Variants in SMAP1 observed in about 807,000 individuals in gnomAD.
SMAP1 encodes the protein stromal membrane-associated protein 1.
SMAP1 carries 24 observed loss-of-function variants against 58.5 expected under a neutral mutation model. That is an observed-to-expected ratio of 0.41 (90% CI 0.30 to 0.58). SMAP1 has a LOEUF of 0.58. SMAP1 is among the 20% of genes least tolerant of loss of function. The probability of loss-of-function intolerance (pLI) is 0.29; values close to 1 mark genes in which losing one functional copy is unlikely to be tolerated. For missense variants in SMAP1, 563 were observed against 566.3 expected, an observed-to-expected ratio of 0.99 and a Z score of 0.06; for synonymous variants, 216 against 196.6, an observed-to-expected ratio of 1.10 and a Z score of -0.82.
At chr6:70,755,801 A>G (rs1766463694) in intron 3 of SMAP1, among the ~76,000 whole-genome samples, 1 of 152,040 alleles carries the variant, frequency 6.6e-6, no homozygotes, top group South Asian at 2.1e-4. Context: ...GTTAGAAATC[A>G]TTTCCATATA....
chr6:70,767,227 C>T (rs1051276550), intron 3 of SMAP1, among the ~76,000 whole-genome samples: 23 of 151,592 alleles, frequency 1.5e-4, no homozygotes, highest in Middle Eastern at 3.4e-3. Flanking sequence ...CTTGGCGATG[C>T]GGGCTCTTTT....
chr6:70,696,010 G>T (rs1726738874), intron 1 of SMAP1, among the ~76,000 whole-genome samples: 1 of 152,206 alleles, frequency 6.6e-6, no homozygotes, highest in African/African-American at 2.4e-5. Context: ...TTGGTAGATT[G>T]TATGTGTCTA....
intron 3 of SMAP1, among the ~76,000 whole-genome samples, chr6:70,762,273 A>G (rs893325585): frequency 7.2e-5 from 11 of 152,172 alleles, no homozygotes; most frequent in Non-Finnish European, 1.5e-4. Context: ...AGGTTTTATT[A>G]GAACCCAGCC....
intron 5 of SMAP1, among the ~76,000 whole-genome samples, chr6:70,795,362 G>A (rs995678282): frequency 2.6e-5 from 4 of 152,172 alleles, no homozygotes; most frequent in African/African-American, 9.7e-5. Flanking sequence ...CATAGATTGA[G>A]TAGCTTATAA....
Position 70,856,903 on chromosome 6 carries a change from A to G in SMAP1, c.834A>G (p.Thr278=). The G allele has an allele frequency of 6.2e-7, 1 of 1,613,956 alleles. No homozygotes were observed. Reference sequence around the variant, plus strand: ...CAGCTGCAACCCTGTCTACAGTAACATCTGGGGATCTAGATTTATTCACTG... The same window carrying G: ...CAGCTGCAACCCTGTCTACAGTAACGTCTGGGGATCTAGATTTATTCACTG... ...APAAATLSTV[T]SGDLDLFTEQ... is the part of the protein sequence containing the mutation. The change falls in exon 9 of 11, where the codon ACA becomes ACG. Residue 278 remains threonine, a synonymous_variant. Transcript: ENST00000370455.
At chr6:70,809,653 C>T (rs1034962548) in intron 6 of SMAP1, among the ~76,000 whole-genome samples, 3 of 152,082 alleles carry the variant, frequency 2.0e-5, no homozygotes, top group African/African-American at 4.8e-5. Flanking sequence ...TCATATGATG[C>T]GTGAATGCAT....
At chr6:70,682,954 C>T (rs1415535931) in intron 1 of SMAP1, among the ~76,000 whole-genome samples, 2 of 152,008 alleles carry the variant, frequency 1.3e-5, no homozygotes, top group Admixed American at 6.5e-5. Flanking sequence ...AGGAGAATCA[C>T]TTGAACCTGG....
intron 2 of SMAP1, among the ~76,000 whole-genome samples, chr6:70,754,750 A>G (rs1048652134): frequency 3.9e-5 from 6 of 152,110 alleles, no homozygotes; most frequent in Admixed American, 3.9e-4. Context: ...CATTTAGATT[A>G]TGGACTATGG....
chr6:70,772,159 G>C (rs1181035333), intron 3 of SMAP1, among the ~76,000 whole-genome samples: 1 of 152,158 alleles, frequency 6.6e-6, no homozygotes, highest in Non-Finnish European at 1.5e-5. Flanking sequence ...GGAAAATTTG[G>C]AAAGTCTACA....
Position 70,861,765 on chromosome 6 carries a change from A to T in SMAP1, c.*1431A>T. The T allele has an allele frequency of 6.2e-7, 1 of 1,614,076 alleles. No homozygotes were observed. Among genetic ancestry groups the T allele is most frequent in the Non-Finnish European group, 8.5e-7 (1 of 1,179,964 alleles). On this transcript the variant is annotated 3_prime_UTR_variant, in exon 11 of 11. Transcript: ENST00000370455. ...ACACGAGAACCTGAAGGGGAAGGAA[A>T]TAGCTTGGGTAGCGCACTCTTCATG...
intron 2 of SMAP1, among the ~76,000 whole-genome samples, chr6:70,748,373 TC>T (rs1049340796): frequency 2.0e-5 from 3 of 151,978 alleles, no homozygotes; most frequent in African/African-American, 4.8e-5. Flanking sequence ...GCAAGTAGTT[TC>T]CCCCCTCCCA....
intron 6 of SMAP1, among the ~76,000 whole-genome samples, chr6:70,814,072 A>C (rs1769506623): frequency 6.6e-6 from 1 of 152,114 alleles, no homozygotes; most frequent in Non-Finnish European, 1.5e-5. Flanking sequence ...AAATGATTGC[A>C]CCTATTTATA....
At chr6:70,704,247 A>G (rs758037609) in intron 1 of SMAP1, among the ~76,000 whole-genome samples, 3 of 152,208 alleles carry the variant, frequency 2.0e-5, no homozygotes, top group African/African-American at 4.8e-5. Context: ...ACAGGAGAAA[A>G]TGAAAACTAT....
At chr6:70,837,980 A>G (rs1770663091) in intron 7 of SMAP1, 1 of 989,036 alleles carries the variant, frequency 1.0e-6, no homozygotes, top group East Asian at 1.1e-4. Context: ...TGGAGGTACA[A>G]TTCTTCTATG....
chr6:70,818,591 T>C (rs1462567354), intron 6 of SMAP1, among the ~76,000 whole-genome samples: 1 of 152,192 alleles, frequency 6.6e-6, no homozygotes, highest in African/African-American at 2.4e-5. Flanking sequence ...CAAACCTGCT[T>C]CCCGTAGTCA....
intron 10 of SMAP1, 64 bp downstream of exon 10, chr6:70,858,293 T>A: frequency 1.7e-5 from 20 of 1,152,506 alleles, no homozygotes; most frequent in African/African-American, 6.9e-5. Flanking sequence ...AAATCTTTTT[T>A]TTTTTTTTTT....
At chr6:70,827,923 G>A (rs1182392787) in intron 6 of SMAP1, among the ~76,000 whole-genome samples, 1 of 152,134 alleles carries the variant, frequency 6.6e-6, no homozygotes, top group Non-Finnish European at 1.5e-5. Flanking sequence ...TACTCTATGT[G>A]TTGACAGCTT....
chr6:70,753,691 T>G (rs1766371255), intron 2 of SMAP1, among the ~76,000 whole-genome samples: 1 of 152,148 alleles, frequency 6.6e-6, no homozygotes, highest in Non-Finnish European at 1.5e-5. Flanking sequence ...TGTTTACCTT[T>G]TATAATTTTT....
At chr6:70,702,389 T>TGGG (rs201418705) in intron 1 of SMAP1, among the ~76,000 whole-genome samples, 2 of 121,824 alleles carry the variant, frequency 1.6e-5, no homozygotes, top group African/African-American at 5.6e-5. Flanking sequence ...GCTTTTTTTT[T>TGGG]GGGGAGGGGG....
Sources: gnomAD v4.1 joint callset for allele counts (sites outside exome capture counted in the v4.1 genomes callset) on GRCh38, gnomAD v4.1.1 for gene constraint, MANE v1.5 for transcripts, NCBI Gene and HGNC (gene_info 2026-07-23, HGNC 2026-07-21) for gene names.